Variants in IFT52 observed in about 807,000 individuals in gnomAD.
IFT52 encodes intraflagellar transport 52, also known as intraflagellar transport protein 52 homolog.
A neutral mutation model predicts 54.4 loss-of-function variants in IFT52; 44 were observed. The ratio of observed to expected loss-of-function variants is 0.81; its 90% CI spans 0.63 to 1.04. IFT52 has a LOEUF of 1.04. Ranked by LOEUF, IFT52 falls within the 50% of genes least tolerant of loss-of-function variation. The pLI is 0.00. For missense variants in IFT52, 452 were observed against 523.6 expected, an observed-to-expected ratio of 0.86 and a Z score of 1.33; for synonymous variants, 181 against 185.3, an observed-to-expected ratio of 0.98 and a Z score of 0.19.
chr20:43,623,491 T>G (rs1462526708), intron 9 of IFT52, among the ~76,000 whole-genome samples: 1 of 152,180 alleles, frequency 6.6e-6, no homozygotes, highest in African/African-American at 2.4e-5. Context: ...GGGAAAATCA[T>G]TTTGATGGCT....
intron 13 of IFT52, among the ~76,000 whole-genome samples, chr20:43,644,182 T>C (rs1420672439): frequency 2.6e-5 from 1 of 38,938 alleles, no homozygotes; most frequent in Non-Finnish European, 4.3e-5. Context: ...GCCTTCTTTT[T>C]TCCAAGGATT....
At chr20:43,639,420 C>T (rs997042717) in intron 12 of IFT52, among the ~76,000 whole-genome samples, 3 of 152,212 alleles carry the variant, frequency 2.0e-5, no homozygotes, top group Admixed American at 6.5e-5. Context: ...CCTGTAATCC[C>T]GGCACATTGG....
At chr20:43,604,316 C>A in intron 5 of IFT52, 58 bp downstream of exon 5, 1 of 1,297,638 alleles carries the variant, frequency 7.7e-7, no homozygotes, top group South Asian at 1.2e-5. Context: ...CACCTGTAAT[C>A]CCAGCACTTT....
At chr20:43,622,397 G>A (rs1048732612) in intron 9 of IFT52, among the ~76,000 whole-genome samples, 4 of 151,618 alleles carry the variant, frequency 2.6e-5, no homozygotes, top group Non-Finnish European at 5.9e-5. Flanking sequence ...AGGAGATGGA[G>A]ACCATCCTGG....
intron 10 of IFT52, among the ~76,000 whole-genome samples, chr20:43,634,826 T>A (rs1297426629): frequency 1.3e-5 from 2 of 152,092 alleles, no homozygotes; most frequent in African/African-American, 4.8e-5. Context: ...CCCCAGTGTG[T>A]ATTCTCCCCT....
intron 1 of IFT52, among the ~76,000 whole-genome samples, chr20:43,592,442 T>C (rs1187980606): frequency 6.6e-6 from 1 of 152,042 alleles, no homozygotes; most frequent in Non-Finnish European, 1.5e-5. Flanking sequence ...CGGGTGTGTT[T>C]GGGCGCCTGT....
chr20:43,646,226 T>A (rs1986191937), intron 13 of IFT52, among the ~76,000 whole-genome samples: 1 of 149,238 alleles, frequency 6.7e-6, no homozygotes, highest in African/African-American at 2.5e-5. Context: ...AAAAAAAAAA[T>A]TCTATAGTGA....
intron 10 of IFT52, among the ~76,000 whole-genome samples, chr20:43,628,679 T>C (rs1486649672): frequency 6.6e-6 from 1 of 152,112 alleles, no homozygotes; most frequent in Non-Finnish European, 1.5e-5. Flanking sequence ...GGTGAAACCC[T>C]GTCTCTACTA....
chr20:43,596,103 G>A (rs1466906946), intron 2 of IFT52, among the ~76,000 whole-genome samples: 1 of 152,244 alleles, frequency 6.6e-6, no homozygotes, highest in African/African-American at 2.4e-5. Flanking sequence ...CTTTGTGTAT[G>A]TGCATGTTTT....
intron 12 of IFT52, among the ~76,000 whole-genome samples, chr20:43,638,872 C>G (rs1985722405): frequency 6.6e-6 from 1 of 152,148 alleles, no homozygotes; most frequent in African/African-American, 2.4e-5. Context: ...TCAGTAACAT[C>G]TGTATGTGCC....
At chr20:43,604,976 C>G (rs1375258147) in intron 5 of IFT52, 26 bp from the exon 6 acceptor site, 2 of 1,609,726 alleles carry the variant, frequency 1.2e-6, no homozygotes, top group African/African-American at 2.7e-5. Flanking sequence ...TTTTTGTTTA[C>G]TAGATTTTAA....
At chr20:43,639,795 A>G (rs1230984981) in intron 12 of IFT52, among the ~76,000 whole-genome samples, 2 of 151,048 alleles carry the variant, frequency 1.3e-5, no homozygotes, top group Non-Finnish European at 2.9e-5. Flanking sequence ...GCTATGATAC[A>G]CCTTGCACTC....
intron 10 of IFT52, among the ~76,000 whole-genome samples, chr20:43,633,339 G>A (rs1408436702): frequency 3.3e-5 from 5 of 150,226 alleles, no homozygotes; most frequent in Middle Eastern, 3.5e-3. Flanking sequence ...GCGAAACTCC[G>A]TCTCAAAAAA....
At chr20:43,598,464 G>A (rs1241041812) in intron 3 of IFT52, among the ~76,000 whole-genome samples, 3 of 152,168 alleles carry the variant, frequency 2.0e-5, no homozygotes, top group Admixed American at 6.6e-5. Context: ...GGAGGCTGAG[G>A]TGGGTGGATC....
intron 6 of IFT52, chr20:43,605,313 G>A (rs372350696): frequency 1.4e-5 from 14 of 1,027,562 alleles, no homozygotes; most frequent in African/African-American, 3.5e-5. Flanking sequence ...TTGGGAGGCC[G>A]AGGTGGGTGG....
rs73274327 is a variant in IFT52 at position 43,624,215 on chromosome 20, T to G, written c.923+170T>G. On this transcript the variant is annotated intron_variant, in intron 10 of 13. Transcript: ENST00000373030. ...AACTGGGCTGGGCATGAGGGGTTGA[T>G]GTAGAGGAACTGCCAGAGGTTATTA... is the stretch of plus-strand genomic sequence containing the variant. 4.2e-3 allele frequency: 3,024 copies of G among 726,016 alleles called. 82 individuals are homozygous for G. In the African/African-American group the frequency reaches 0.047, roughly 11 times the overall value. 45.0% of individuals were successfully genotyped at this position (726,016 alleles called of 1,614,324 possible).
chr20:43,605,197 A>G (rs1568727720), intron 6 of IFT52, 124 bp downstream of exon 6: 3 of 1,475,754 alleles, frequency 2.0e-6, no homozygotes, highest in Non-Finnish European at 2.7e-6. Context: ...TCAAGAGGAA[A>G]AAAGTAGAAG....
intron 7 of IFT52, among the ~76,000 whole-genome samples, chr20:43,615,538 T>C (rs1167261276): frequency 2.0e-5 from 3 of 151,698 alleles, no homozygotes; most frequent in African/African-American, 7.3e-5. Context: ...GCGTGGTGGC[T>C]CACACCTGCA....
chr20:43,643,119 A>G lies in IFT52; in HGVS notation c.1266+495A>G, dbSNP rs575118783. Among the ~76,000 whole-genome samples the G allele has an allele frequency of 3.3e-5, 5 of 150,978 alleles. No individual in the cohort carries two copies. In the East Asian group the frequency reaches 9.8e-4, roughly 30 times the overall value. On this transcript the variant is annotated intron_variant, in intron 13 of 13. Transcript: ENST00000373030. ...AAGGCAGAGGTTGTGGTGAGCTGAG[A>G]TCGTGCCGTTGCACTCCAGCCTGGG... is the stretch of plus-strand genomic sequence containing the variant.
Sources: allele counts gnomAD v4.1 joint callset (sites outside exome capture counted in the v4.1 genomes callset), GRCh38; gene constraint gnomAD v4.1.1; transcripts MANE v1.5; gene names NCBI Gene and HGNC (gene_info 2026-07-23, HGNC 2026-07-21).